Variants in SPAG16 observed in about 807,000 individuals in gnomAD.
SPAG16 encodes the protein sperm-associated antigen 16 protein.
SPAG16 carries 86 observed loss-of-function variants against 80.4 expected under a neutral mutation model. That is an observed-to-expected ratio of 1.07 (90% CI 0.90 to 1.28). The LOEUF (loss-of-function observed/expected upper bound fraction) is 1.28, where lower values mean the gene tolerates loss of function less well. Ranked by LOEUF, SPAG16 falls within the 50% of genes most tolerant of loss-of-function variation. The pLI is 0.00. For missense variants in SPAG16, 870 were observed against 765.3 expected (o/e 1.14, Z -1.61); for synonymous variants, 294 against 265.9 (o/e 1.11, Z -1.03).
intron 10 of SPAG16, among the ~76,000 whole-genome samples, chr2:213,849,116 C>T (rs561474480): frequency 1.2e-3 from 184 of 152,176 alleles, no homozygotes; most frequent in African/African-American, 4.2e-3. Flanking sequence ...CTGCATCTGG[C>T]GAGGACCTCA....
intron 10 of SPAG16, among the ~76,000 whole-genome samples, chr2:213,562,277 C>T (rs1193260713): frequency 1.3e-5 from 2 of 152,108 alleles, no homozygotes; most frequent in Admixed American, 6.5e-5. Flanking sequence ...TGAAATTTAA[C>T]CAAAATTATG....
intron 10 of SPAG16, among the ~76,000 whole-genome samples, chr2:213,626,329 G>A (rs2061959670): frequency 1.3e-5 from 2 of 151,866 alleles, no homozygotes; most frequent in Admixed American, 1.3e-4. Flanking sequence ...AGTTCCAAGA[G>A]TTAAACCATG....
At chr2:214,116,703 C>T (rs1410561483) in intron 14 of SPAG16, among the ~76,000 whole-genome samples, 2 of 152,168 alleles carry the variant, frequency 1.3e-5, no homozygotes, top group Non-Finnish European at 2.9e-5. Context: ...GCCTAGGGAC[C>T]CTCCTTAAGT....
At chr2:214,360,389 TTGAA>T (rs1699107462) in intron 15 of SPAG16, among the ~76,000 whole-genome samples, 1 of 151,846 alleles carries the variant, frequency 6.6e-6, no homozygotes, top group Non-Finnish European at 1.5e-5. Context: ...AGAGAACAAA[TTGAA>T]AAGCTTAACT....
At chr2:214,146,722 T>C (rs1006032652) in intron 14 of SPAG16, among the ~76,000 whole-genome samples, 2 of 152,134 alleles carry the variant, frequency 1.3e-5, no homozygotes, top group Non-Finnish European at 2.9e-5. Context: ...CATATTTGGC[T>C]GGGCGCAGTG....
At chr2:214,252,234 C>G (rs904636275) in intron 15 of SPAG16, among the ~76,000 whole-genome samples, 20 of 152,034 alleles carry the variant, frequency 1.3e-4, no homozygotes, top group Non-Finnish European at 2.2e-4. Flanking sequence ...AATATGTTGA[C>G]ATTTTGTGAA....
intron 12 of SPAG16, among the ~76,000 whole-genome samples, chr2:213,963,052 T>C (rs2044532445): frequency 6.6e-6 from 1 of 151,184 alleles, no homozygotes; most frequent in African/African-American, 2.4e-5. Flanking sequence ...CCTACTGTTA[T>C]TTTGTTTCCT....
intron 10 of SPAG16, among the ~76,000 whole-genome samples, chr2:213,816,032 T>A (rs2072511796): frequency 6.6e-6 from 1 of 152,086 alleles, no homozygotes; most frequent in Non-Finnish European, 1.5e-5. Context: ...GCTAGATAGA[T>A]TTTCATGAAG....
At position 213,949,179 on chromosome 2, in the gene SPAG16, T is replaced by TTTTTTTTTTTTTTTTTTTTTTGTTTTG. The variant is rs1553677674; in HGVS notation, c.1400+19048_1400+19049insTTTTTTTGTTTTGTTTTTTTTTTTTTT. ...TACTTAATTACAACAGTTTTTTTTTTTTTTTTTTTTTTTTGAGGTAGAGTC... is the reference window on the plus strand; with the variant it reads ...TACTTAATTACAACAGTTTTTTTTTTTTTTTTTTTTTTTTTTTTTTTGTTTTGTTTTTTTTTTTTTTGAGGTAGAGTC... On this transcript the variant is annotated intron_variant, in intron 12 of 15. Transcript: ENST00000331683. 6.3e-3 allele frequency among the ~76,000 whole-genome samples: 228 copies of TTTTTTTTTTTTTTTTTTTTTTGTTTTG among 36,178 alleles called. 9 individuals are homozygous for TTTTTTTTTTTTTTTTTTTTTTGTTTTG. The highest frequency in any genetic ancestry group is 0.016 in the South Asian group (8 of 506). The allele number at this position is 36,178 out of a possible 152,430, so 23.7% of individuals were successfully genotyped here. A position where few individuals can be genotyped will look rare whatever the true frequency, so the allele number is the denominator to read the frequency against.
chr2:213,347,218 G>A (rs1285064182), intron 6 of SPAG16, among the ~76,000 whole-genome samples: 4 of 152,100 alleles, frequency 2.6e-5, no homozygotes, highest in Non-Finnish European at 1.5e-5. Context: ...ATTTCTGTGG[G>A]ATCGGTGGTG....
At chr2:213,860,441 AGATATATG>A (rs2075388312) in intron 10 of SPAG16, among the ~76,000 whole-genome samples, 2 of 135,402 alleles carry the variant, frequency 1.5e-5, no homozygotes, top group South Asian at 2.4e-4. Flanking sequence ...ATATATTTAT[AGATATATG>A]TATATATATA....
chr2:213,359,400 G>A (rs1231401636), intron 7 of SPAG16, among the ~76,000 whole-genome samples: 1 of 142,144 alleles, frequency 7.0e-6, no homozygotes, highest in African/African-American at 2.4e-5. Flanking sequence ...TATAGAGGCA[G>A]TAGGCCTTGC....
At chr2:213,848,910 AT>A (rs1040859507) in intron 10 of SPAG16, among the ~76,000 whole-genome samples, 2 of 152,086 alleles carry the variant, frequency 1.3e-5, no homozygotes, top group Admixed American at 1.3e-4. Flanking sequence ...AGTCTTAGGA[AT>A]TTTTTTAGTG....
At chr2:213,298,109 C>T (rs1433878349) in intron 3 of SPAG16, among the ~76,000 whole-genome samples, 3 of 152,092 alleles carry the variant, frequency 2.0e-5, no homozygotes, top group Non-Finnish European at 2.9e-5. Flanking sequence ...ATTCTGTAGA[C>T]TTCTTCAATG....
intron 11 of SPAG16, among the ~76,000 whole-genome samples, chr2:213,908,531 G>A (rs2077520748): frequency 6.6e-6 from 1 of 152,136 alleles, no homozygotes; most frequent in Non-Finnish European, 1.5e-5. Flanking sequence ...AAACTACTCA[G>A]GCAGTGGCTA....
intron 10 of SPAG16, among the ~76,000 whole-genome samples, chr2:213,702,614 T>C (rs2065514334): frequency 6.6e-6 from 1 of 152,224 alleles, no homozygotes; most frequent in African/African-American, 2.4e-5. Flanking sequence ...ATAGTCTTTT[T>C]AATTTTTCAA....
chr2:213,317,697 A>G (rs1226867042), intron 5 of SPAG16: 58 of 991,110 alleles, frequency 5.9e-5, no homozygotes, highest in Non-Finnish European at 6.4e-5. Flanking sequence ...AATTAAATTT[A>G]TAGAAAGCCG....
At chr2:214,261,994 T>C (rs1008741633) in intron 15 of SPAG16, among the ~76,000 whole-genome samples, 3 of 152,152 alleles carry the variant, frequency 2.0e-5, no homozygotes, top group African/African-American at 7.2e-5. Flanking sequence ...AGGGGAATTC[T>C]CATACAGTTT....
chr2:213,488,130 G>T (rs932930200), intron 9 of SPAG16, among the ~76,000 whole-genome samples: 2 of 151,896 alleles, frequency 1.3e-5, no homozygotes, highest in Admixed American at 1.3e-4. Flanking sequence ...TGTCTATTTT[G>T]TTTAGTGATA....
Sources: allele counts gnomAD v4.1 joint callset (sites outside exome capture counted in the v4.1 genomes callset), GRCh38; gene constraint gnomAD v4.1.1; transcripts MANE v1.5; gene names NCBI Gene and HGNC (gene_info 2026-07-23, HGNC 2026-07-21).